HSDL2: variants seen among roughly 807,000 people sequenced by gnomAD.
The protein encoded by HSDL2 is hydroxysteroid dehydrogenase-like protein 2.
A neutral mutation model predicts 46.3 loss-of-function variants in HSDL2; 27 were observed. The observed-to-expected ratio is 0.58, with a 90% CI of 0.43 to 0.80. HSDL2 has a LOEUF of 0.80. Among genes scored for constraint, HSDL2 ranks in the 30% least tolerant of loss-of-function variants. The probability of loss-of-function intolerance (pLI) is 0.00; values close to 1 mark genes in which losing one functional copy is unlikely to be tolerated. For missense variants in HSDL2, 451 were observed against 502.7 expected (o/e 0.90, Z 0.98); for synonymous variants, 153 against 163.6 (o/e 0.94, Z 0.50).
chr9:112,388,415 C>T (rs1264978626), intron 1 of HSDL2, among the ~76,000 whole-genome samples: 2 of 129,894 alleles, frequency 1.5e-5, no homozygotes, highest in Admixed American at 1.6e-4. Context: ...GAGCCGAGAT[C>T]GCGCCACTGC....
At chr9:112,380,774 G>C (rs1046327346) in intron 1 of HSDL2, among the ~76,000 whole-genome samples, 1 of 152,048 alleles carries the variant, frequency 6.6e-6, no homozygotes, top group African/African-American at 2.4e-5. Flanking sequence ...TCGTTGTGCA[G>C]TCAATCTCCA....
chr9:112,458,322 T>TA (rs1833094605), intron 9 of HSDL2, among the ~76,000 whole-genome samples: 1 of 3,810 alleles, frequency 2.6e-4, no homozygotes, highest in Non-Finnish European at 7.1e-4. Flanking sequence ...CACTTCTTCT[T>TA]TTTTTTTTTT....
chr9:112,444,791 C>A (rs1056001738), intron 8 of HSDL2, among the ~76,000 whole-genome samples: 3 of 151,234 alleles, frequency 2.0e-5, no homozygotes, highest in East Asian at 1.9e-4. Flanking sequence ...TGATTCCCCC[C>A]ACCCCTACTC....
In HSDL2 at chr9:112,470,615, G is replaced by A. The variant is rs1158324926; in HGVS notation, c.*71G>A. The A allele has an allele frequency of 2.5e-6, 2 of 809,254 alleles. No individual in the cohort carries two copies. Among genetic ancestry groups the A allele is most frequent in the East Asian group, 2.7e-5 (1 of 37,088 alleles). 50.1% of individuals were successfully genotyped at this position (809,254 alleles called of 1,614,324 possible). A position where few individuals can be genotyped will look rare whatever the true frequency, so the allele number is the denominator to read the frequency against. On this transcript the variant is annotated 3_prime_UTR_variant, in exon 11 of 11. Coordinates refer to ENST00000398805, the MANE Select transcript of HSDL2 (RefSeq NM_032303.5). Reference sequence around the variant, plus strand: ...AAAAGCTCAACAGTTAAAATCTAATGTTTGTTTTCTTTCCTGTTATATTAT... The same window carrying A: ...AAAAGCTCAACAGTTAAAATCTAATATTTGTTTTCTTTCCTGTTATATTAT...
chr9:112,466,323 C>A (rs562942236), intron 10 of HSDL2, among the ~76,000 whole-genome samples: 2 of 152,230 alleles, frequency 1.3e-5, no homozygotes, highest in South Asian at 4.1e-4. Flanking sequence ...GAGGCCGAGG[C>A]GGGCAGATCA....
intron 8 of HSDL2, among the ~76,000 whole-genome samples, chr9:112,448,758 C>T (rs10981409): frequency 0.93 from 141,903 of 152,012 alleles, 66,300 homozygotes; most frequent in African/African-American, 0.97. Context: ...GGTTTCACTG[C>T]GTTAGCCAGG....
chr9:112,444,730 C>A (rs924444847), intron 8 of HSDL2, among the ~76,000 whole-genome samples: 1 of 151,666 alleles, frequency 6.6e-6, no homozygotes, highest in African/African-American at 2.4e-5. Context: ...AGAGTGAGAC[C>A]CCTGTCTCAA....
chr9:112,464,692 CTTTA>C lies in HSDL2; in HGVS notation c.1144+5118_1144+5121del, dbSNP rs546710790. ...TATGTCAATAGCTTTTTAAAAACAG[CTTTA>C]TTGAGATATAATTCATATACCATAC... On this transcript the variant is annotated intron_variant, in intron 10 of 10. Coordinates refer to ENST00000398805, the MANE Select transcript of HSDL2 (RefSeq NM_032303.5). Among the ~76,000 whole-genome samples the C allele has an allele frequency of 1.8e-4, 28 of 152,292 alleles. No individual in the cohort carries two copies. The South Asian group carries it at 5.8e-3, about 32-fold the overall frequency.
intron 1 of HSDL2, among the ~76,000 whole-genome samples, chr9:112,396,314 C>G (rs1039240321): frequency 3.9e-5 from 6 of 152,096 alleles, no homozygotes; most frequent in Non-Finnish European, 8.8e-5. Context: ...GATGTTTAGG[C>G]CAGGAGGAAG....
At chr9:112,404,457 C>A (rs987409017) in intron 2 of HSDL2, among the ~76,000 whole-genome samples, 1 of 151,936 alleles carries the variant, frequency 6.6e-6, no homozygotes, top group Non-Finnish European at 1.5e-5. Flanking sequence ...TCACTTGAAC[C>A]TGGGAGGTGG....
intron 4 of HSDL2, among the ~76,000 whole-genome samples, chr9:112,411,906 C>G (rs993725507): frequency 6.6e-6 from 1 of 151,984 alleles, no homozygotes; most frequent in African/African-American, 2.4e-5. Flanking sequence ...ATAAACCTAG[C>G]CAGGAATATT....
intron 1 of HSDL2, among the ~76,000 whole-genome samples, chr9:112,392,610 A>G (rs747208355): frequency 6.6e-6 from 1 of 152,182 alleles, no homozygotes; most frequent in Admixed American, 6.5e-5. Context: ...ACATCCGTTT[A>G]TAGGCTCTCT....
intron 10 of HSDL2, among the ~76,000 whole-genome samples, chr9:112,461,694 G>A (rs7044069): frequency 0.96 from 145,534 of 152,352 alleles, 69,573 homozygotes; most frequent in African/African-American, 0.98. Context: ...AGGCTTTGAA[G>A]AATTAAATAA....
chr9:112,408,012 G>A (rs1831768835), intron 3 of HSDL2, among the ~76,000 whole-genome samples: 1 of 152,136 alleles, frequency 6.6e-6, no homozygotes, highest in South Asian at 2.1e-4. Flanking sequence ...AGAAATAGTA[G>A]TTACTCTAGG....
intron 4 of HSDL2, among the ~76,000 whole-genome samples, chr9:112,409,925 T>C (rs984792361): frequency 6.6e-6 from 1 of 152,082 alleles, no homozygotes; most frequent in Non-Finnish European, 1.5e-5. Context: ...TACTTACATG[T>C]ATACTCTGTC....
intron 6 of HSDL2, among the ~76,000 whole-genome samples, chr9:112,428,933 C>G (rs975126428): frequency 3.3e-5 from 5 of 152,172 alleles, no homozygotes; most frequent in African/African-American, 7.2e-5. Context: ...CAGTCTTGCT[C>G]TGTTGCCCAG....
At chr9:112,387,958 A>G (rs1181188117) in intron 1 of HSDL2, among the ~76,000 whole-genome samples, 2 of 152,054 alleles carry the variant, frequency 1.3e-5, no homozygotes, top group African/African-American at 2.4e-5. Flanking sequence ...CAAGCATTCA[A>G]GACCAGGCTG....
In HSDL2 at chr9:112,438,416, G is replaced by A; in HGVS notation, c.599-15G>A. 6.5e-7 allele frequency: 1 copy of A among 1,530,318 alleles called. No individual in the cohort carries two copies. The highest frequency in any genetic ancestry group is 8.8e-7 in the Non-Finnish European group (1 of 1,137,444). 94.8% of individuals were successfully genotyped at this position (1,530,318 alleles called of 1,614,324 possible). A position where few individuals can be genotyped will look rare whatever the true frequency, so the allele number is the denominator to read the frequency against. On this transcript the variant is annotated splice_polypyrimidine_tract_variant and intron_variant, in intron 6 of 10. Transcript: ENST00000398805. ...TGGAGTTATGAGTGTATGTGTGTGT[G>A]TGTTTTCTCTACAGCCATACACACT...
chr9:112,468,877 G>A (rs1480254281), intron 10 of HSDL2, among the ~76,000 whole-genome samples: 2 of 152,146 alleles, frequency 1.3e-5, no homozygotes, highest in African/African-American at 4.8e-5. Context: ...AAGCTCATTG[G>A]AAGATGTGTG....
Sources: gnomAD v4.1 joint callset for allele counts (sites outside exome capture counted in the v4.1 genomes callset) on GRCh38, gnomAD v4.1.1 for gene constraint, MANE v1.5 for transcripts, NCBI Gene and HGNC (gene_info 2026-07-23, HGNC 2026-07-21) for gene names.